The following IPO8 variants were observed in gnomAD, a reference collection of about 807,000 sequenced individuals.
The protein encoded by IPO8 is importin 8, also known as importin-8.
A neutral mutation model predicts 141.2 loss-of-function variants in IPO8; 65 were observed. The ratio of observed to expected loss-of-function variants is 0.46; its 90% CI spans 0.38 to 0.57. The LOEUF (loss-of-function observed/expected upper bound fraction) is 0.57. Ranked by LOEUF, IPO8 falls within the 20% of genes least tolerant of loss-of-function variation. The pLI, the probability that IPO8 is intolerant of heterozygous loss-of-function variation, is 0.00. For missense variants in IPO8, 980 were observed against 1,246.8 expected, an observed-to-expected ratio of 0.79 and a Z score of 3.22; for synonymous variants, 411 against 420.3, an observed-to-expected ratio of 0.98 and a Z score of 0.27.
chr12:30,632,444 A>G (rs2052446224), intron 23 of IPO8, among the ~76,000 whole-genome samples: 1 of 152,172 alleles, frequency 6.6e-6, no homozygotes, highest in African/African-American at 2.4e-5. Flanking sequence ...GTTCCATTTG[A>G]ATAGCTCATC....
chr12:30,642,052 C>T (rs545865355), intron 20 of IPO8, among the ~76,000 whole-genome samples: 7 of 151,906 alleles, frequency 4.6e-5, no homozygotes, highest in East Asian at 1.9e-4. Context: ...AAAAATTAGC[C>T]GGGCGTGGTG....
chr12:30,664,968 G>A (rs557484548), intron 13 of IPO8, among the ~76,000 whole-genome samples: 3 of 152,248 alleles, frequency 2.0e-5, no homozygotes, highest in South Asian at 4.1e-4. Flanking sequence ...TCAAACTCCC[G>A]ATCTCAAGTG....
chr12:30,641,893 A>G (rs574352213), intron 20 of IPO8, among the ~76,000 whole-genome samples: 1 of 152,168 alleles, frequency 6.6e-6, no homozygotes, highest in East Asian at 1.9e-4. Context: ...CATGAATCTG[A>G]ATTAGAAATA....
chr12:30,682,182 G>A (rs992898884), intron 3 of IPO8, among the ~76,000 whole-genome samples: 5 of 152,024 alleles, frequency 3.3e-5, no homozygotes, highest in African/African-American at 1.2e-4. Flanking sequence ...TCCTGAATGG[G>A]GGAAAAAATA....
chr12:30,643,097 T>A (rs1316706214), intron 20 of IPO8, among the ~76,000 whole-genome samples: 1 of 152,152 alleles, frequency 6.6e-6, no homozygotes, highest in Non-Finnish European at 1.5e-5. Flanking sequence ...CCTGATAATT[T>A]ATGAGAAAAC....
At chr12:30,643,240 C>A (rs994005386) in intron 20 of IPO8, among the ~76,000 whole-genome samples, 3 of 152,136 alleles carry the variant, frequency 2.0e-5, no homozygotes, top group Non-Finnish European at 2.9e-5. Flanking sequence ...CACCATCACC[C>A]ATGAAGTGCA....
chr12:30,663,148 CTAAACT>C (rs970858844), intron 14 of IPO8, among the ~76,000 whole-genome samples: 3 of 152,282 alleles, frequency 2.0e-5, no homozygotes, highest in African/African-American at 7.2e-5. Context: ...TCCAACTCCC[CTAAACT>C]TAAATATGTG....
At chr12:30,661,086 A>C in intron 16 of IPO8, 55 bp downstream of exon 16, 1 of 1,300,786 alleles carries the variant, frequency 7.7e-7, no homozygotes, top group Non-Finnish European at 1.0e-6. Flanking sequence ...GCCACTGATC[A>C]CATAAATTTC....
At chr12:30,677,119 A>T (rs2053132325) in intron 5 of IPO8, 1 of 1,480,002 alleles carries the variant, frequency 6.8e-7, no homozygotes. Flanking sequence ...GCTACATGCT[A>T]CAGACATAAT....
intron 1 of IPO8, among the ~76,000 whole-genome samples, chr12:30,691,385 G>C (rs780015657): frequency 6.6e-6 from 1 of 152,202 alleles, no homozygotes; most frequent in Non-Finnish European, 1.5e-5. Context: ...AGCCTGTGGG[G>C]ATGAAGCTCC....
chr12:30,676,926 C>T (rs1221201364), intron 5 of IPO8: 2 of 1,532,212 alleles, frequency 1.3e-6, no homozygotes, highest in African/African-American at 1.4e-5. Context: ...CCATTTTAAC[C>T]ACCTTGATGA....
chr12:30,635,864 G>A (rs1159946765), intron 22 of IPO8, among the ~76,000 whole-genome samples: 6 of 151,988 alleles, frequency 3.9e-5, no homozygotes, highest in Non-Finnish European at 8.8e-5. Context: ...TTAGTAGGAA[G>A]TACAAGAAAG....
intron 10 of IPO8, 27 bp downstream of exon 10, chr12:30,669,156 G>T: frequency 1.0e-6 from 1 of 976,586 alleles, no homozygotes; most frequent in Non-Finnish European, 1.6e-6. Context: ...TCCAGGAACT[G>T]ATGAGAAATA....
intron 5 of IPO8, chr12:30,677,087 AC>A (rs1256924474): frequency 6.6e-7 from 1 of 1,515,224 alleles, no homozygotes; most frequent in Non-Finnish European, 8.8e-7. Flanking sequence ...TATTGCCTCC[AC>A]ATCCATTCAG....
chr12:30,690,098 A>G (rs943595044), intron 2 of IPO8, among the ~76,000 whole-genome samples: 1 of 152,226 alleles, frequency 6.6e-6, no homozygotes, highest in Non-Finnish European at 1.5e-5. Context: ...TGTGCAACAC[A>G]TTACCTCCAT....
intron 17 of IPO8, among the ~76,000 whole-genome samples, chr12:30,654,831 A>C (rs1332286853): frequency 2.0e-5 from 3 of 152,142 alleles, no homozygotes; most frequent in African/African-American, 4.8e-5. Flanking sequence ...TCATATGATC[A>C]AGTCATCCTA....
At chr12:30,635,384 G>A (rs968774962) in intron 22 of IPO8, among the ~76,000 whole-genome samples, 2 of 151,910 alleles carry the variant, frequency 1.3e-5, no homozygotes, top group Non-Finnish European at 1.5e-5. Flanking sequence ...TAATCATTCC[G>A]CATTATATTC....
In IPO8 at chr12:30,681,706, G is replaced by C; in HGVS notation, c.435C>G (p.Ser145Arg). 1 of 1,613,814 alleles carries C rather than the reference G, an allele frequency of 6.2e-7. No individual in the cohort carries two copies. Among genetic ancestry groups the C allele is most frequent in the Middle Eastern group, 1.6e-4 (1 of 6,062 alleles). Residue 145 changes from serine (S) to arginine (R), a missense_variant, in exon 4 of 25, where the codon AGC (serine) becomes AGG (arginine). Physicochemically the swap from Ser to Arg is moderately radical, Grantham distance 110. Around this residue, in one of 3 missense-constraint regions of IPO8, gnomAD observed 924 missense variants for 1,153.9 expected, o/e 0.80. Coordinates refer to ENST00000256079, the MANE Select transcript of IPO8 (RefSeq NM_006390.4). The part of the protein sequence containing the change: ...DYYLQSQSSA[S>R]WLGSLLCLYQ... ...ACAGGCATAATAAACTGCCAAGCCA[G>C]CTTGCACTGCTCTGTGATTGCAAGT...
chr12:30,672,137 C>T (rs954504217), intron 8 of IPO8, among the ~76,000 whole-genome samples: 1 of 152,178 alleles, frequency 6.6e-6, no homozygotes, highest in African/African-American at 2.4e-5. Flanking sequence ...AGGCAACTTT[C>T]TTCACTACAG....
Sources: gnomAD v4.1 joint callset for allele counts (sites outside exome capture counted in the v4.1 genomes callset) on GRCh38, gnomAD v4.1.1 for gene constraint, gnomAD v4.1.1 regional missense constraint, MANE v1.5 for transcripts, NCBI Gene and HGNC (gene_info 2026-07-23, HGNC 2026-07-21) for gene names.